Variants in PCDH15 observed in about 807,000 individuals in gnomAD.
PCDH15 encodes the protein protocadherin-15.
In PCDH15, 129 loss-of-function variants were observed where a neutral mutation model predicts 178.5. The ratio of observed to expected loss-of-function variants is 0.72; its 90% CI spans 0.63 to 0.84. PCDH15 has a LOEUF of 0.84. Among genes scored for constraint, PCDH15 ranks in the 40% least tolerant of loss-of-function variants. PCDH15 has a pLI of 0.00. For missense variants in PCDH15, 2,230 were observed against 2,099.9 expected (o/e 1.06, Z -1.21); for synonymous variants, 800 against 732.0 (o/e 1.09, Z -1.50).
At chr10:54,945,388 G>C (rs1317493372) in intron 2 of PCDH15, among the ~76,000 whole-genome samples, 2 of 151,126 alleles carry the variant, frequency 1.3e-5, no homozygotes, top group Non-Finnish European at 3.0e-5. Context: ...TAGATAGATA[G>C]ATAGATATAA....
chr10:54,409,802 A>G (rs1953216746), intron 3 of PCDH15, among the ~76,000 whole-genome samples: 1 of 151,950 alleles, frequency 6.6e-6, no homozygotes, highest in South Asian at 2.1e-4. Flanking sequence ...CCATGTTGAG[A>G]CTGGTGGCTT....
Position 55,128,502 on chromosome 10 carries a change from C to T in PCDH15, c.-80+38074G>A, listed in dbSNP as rs199612481. Among the ~76,000 whole-genome samples the T allele has an allele frequency of 7.2e-5, 11 of 152,128 alleles. No individual in the cohort carries two copies. In the East Asian group the frequency reaches 2.1e-3, roughly 29 times the overall value. ...CTTTAATTTAGAATAAAATCATCTA[C>T]CATTTTTATGTATCTAAAATGATCC... is the stretch of plus-strand genomic sequence containing the variant. On this transcript the variant is annotated intron_variant, in intron 2 of 5. Coordinates refer to the PCDH15 transcript ENST00000458638.
At chr10:53,840,685 C>T (rs533468021) in intron 28 of PCDH15, among the ~76,000 whole-genome samples, 189 bp from the exon 29 acceptor site, 1 of 152,274 alleles carries the variant, frequency 6.6e-6, no homozygotes, top group African/African-American at 2.4e-5. Context: ...CCCAATGATG[C>T]TAGAAGCTGA....
chr10:55,410,586 G>A (rs1838307741), intron 2 of PCDH15, among the ~76,000 whole-genome samples: 1 of 152,118 alleles, frequency 6.6e-6, no homozygotes, highest in Non-Finnish European at 1.5e-5. Flanking sequence ...AATTCTCTCT[G>A]ATGGGATCCA....
At chr10:55,537,387 ATTTAT>A (rs1045213087) in intron 2 of PCDH15, among the ~76,000 whole-genome samples, 6 of 149,216 alleles carry the variant, frequency 4.0e-5, no homozygotes, top group African/African-American at 1.5e-4. Flanking sequence ...TATTTACTTT[ATTTAT>A]TTTATTTTAT....
chr10:54,468,145 C>T (rs1031011997), intron 3 of PCDH15, among the ~76,000 whole-genome samples: 2 of 151,574 alleles, frequency 1.3e-5, no homozygotes, highest in Admixed American at 1.3e-4. Context: ...TTATTTTCAG[C>T]CTGTATTTTG....
intron 24 of PCDH15, among the ~76,000 whole-genome samples, chr10:53,940,635 A>T (rs1477666922): frequency 6.6e-6 from 1 of 152,186 alleles, no homozygotes; most frequent in Non-Finnish European, 1.5e-5. Context: ...CATTAATTAG[A>T]TACTTAATAT....
Position 53,807,215 on chromosome 10 carries a change from T to C in PCDH15, c.4672-85A>G, listed in dbSNP as rs144154264. ...ACATTGCCTGTGAAATCCAAAACAATGACATTTAGAAAGCTGTCAAAGGTA... is the reference window on the plus strand; with the variant it reads ...ACATTGCCTGTGAAATCCAAAACAACGACATTTAGAAAGCTGTCAAAGGTA... On this transcript the variant is annotated intron_variant, in intron 37 of 37. Coordinates refer to ENST00000644397, the MANE Select transcript of PCDH15 (RefSeq NM_001384140.1). The C allele has an allele frequency of 3.2e-4, 359 of 1,130,502 alleles. 1 individual carries two copies. The African/African-American group carries it at 5.3e-3, about 17-fold the overall frequency. 70.0% of individuals were successfully genotyped at this position (1,130,502 alleles called of 1,614,324 possible).
chr10:54,204,204 T>C (rs2050539997), intron 10 of PCDH15, among the ~76,000 whole-genome samples: 1 of 152,142 alleles, frequency 6.6e-6, no homozygotes. Flanking sequence ...AGACAATTCA[T>C]TGCCATTGAA....
intron 15 of PCDH15, among the ~76,000 whole-genome samples, chr10:54,104,854 A>G (rs1428012279): frequency 6.7e-6 from 1 of 149,024 alleles, no homozygotes; most frequent in Non-Finnish European, 1.5e-5. Context: ...ACAAAAAAAA[A>G]AAAAAAAAAA....
At chr10:54,274,929 T>A (rs1263065545) in intron 8 of PCDH15, among the ~76,000 whole-genome samples, 5 of 151,962 alleles carry the variant, frequency 3.3e-5, no homozygotes, top group Non-Finnish European at 7.4e-5. Context: ...GCTTTCTCTT[T>A]AAAATAAGGA....
intron 2 of PCDH15, among the ~76,000 whole-genome samples, chr10:54,586,946 AAC>A (rs1476358560): frequency 6.6e-6 from 1 of 152,192 alleles, no homozygotes; most frequent in Non-Finnish European, 1.5e-5. Context: ...TTATTTCGCA[AAC>A]ACAGATACTC....
chr10:55,493,870 T>C (rs1052912057), intron 2 of PCDH15, among the ~76,000 whole-genome samples: 14 of 151,998 alleles, frequency 9.2e-5, no homozygotes, highest in African/African-American at 2.4e-4. Context: ...AATTACAAAA[T>C]AGAGTGTAGT....
intron 15 of PCDH15, among the ~76,000 whole-genome samples, chr10:54,099,939 A>C (rs1036831817): frequency 6.6e-6 from 1 of 152,200 alleles, no homozygotes; most frequent in Admixed American, 6.5e-5. Flanking sequence ...GGGAACTAGC[A>C]TGTATCCCTA....
chr10:55,573,902 T>C (rs1387848998), intron 2 of PCDH15, among the ~76,000 whole-genome samples: 2 of 151,880 alleles, frequency 1.3e-5, no homozygotes, highest in Non-Finnish European at 2.9e-5. Context: ...TTCTTTTAAA[T>C]ATATTAATAT....
At chr10:53,831,077 A>G (rs957019381) in intron 30 of PCDH15, 2 of 732,384 alleles carry the variant, frequency 2.7e-6, no homozygotes, top group Non-Finnish European at 5.0e-6. Context: ...TGATATTTCT[A>G]TTGAAAGAGA....
chr10:55,475,507 A>C (rs1840044910), intron 2 of PCDH15, among the ~76,000 whole-genome samples: 1 of 152,168 alleles, frequency 6.6e-6, no homozygotes, highest in Non-Finnish European at 1.5e-5. Flanking sequence ...TAAAAATCCA[A>C]AATGTGAAAC....
intron 2 of PCDH15, among the ~76,000 whole-genome samples, chr10:55,137,158 C>A (rs1035935509): frequency 1.4e-4 from 21 of 152,056 alleles, no homozygotes; most frequent in African/African-American, 5.1e-4. Flanking sequence ...CAGTCATGTA[C>A]CGCATGATAT....
intron 25 of PCDH15, among the ~76,000 whole-genome samples, chr10:53,924,507 C>T (rs1164113427): frequency 6.6e-6 from 1 of 150,622 alleles, no homozygotes; most frequent in Non-Finnish European, 1.5e-5. Context: ...CAACGAGCAC[C>T]ACCCCCTGCT....
Sources: allele counts gnomAD v4.1 joint callset (sites outside exome capture counted in the v4.1 genomes callset), GRCh38; gene constraint gnomAD v4.1.1; transcripts MANE v1.5; gene names NCBI Gene and HGNC (gene_info 2026-07-23, HGNC 2026-07-21).